Variants in SPINK2 observed in about 807,000 individuals in gnomAD.
SPINK2 encodes serine peptidase inhibitor Kazal type 2.
Under a neutral mutation model 13.5 loss-of-function variants are expected in SPINK2, and 8 were observed. That is an observed-to-expected ratio of 0.59 (90% confidence interval 0.35 to 1.07). The LOEUF (loss-of-function observed/expected upper bound fraction) is 1.07. Among genes scored for constraint, SPINK2 ranks in the 50% least tolerant of loss-of-function variants. The probability of loss-of-function intolerance (pLI) is 0.02; values close to 1 mark genes in which losing one functional copy is unlikely to be tolerated. For synonymous variants in SPINK2, 76 were observed against 74.7 expected, an observed-to-expected ratio of 1.02 and a Z score of -0.09; for missense variants, 148 against 180.3, an observed-to-expected ratio of 0.82 and a Z score of 1.03.
upstream of SPINK2, chr4:56,821,765 G>GGGGAGGGGCGGA (rs1553896007): frequency 8.2e-7 from 1 of 1,215,922 alleles, no homozygotes; most frequent in African/African-American, 1.8e-5. Context: ...GAAGGGGCGG[G>GGGGAGGGGCGGA]GCGAGAATGG....
chr4:56,814,355 T>A (rs575227008), intron 2 of SPINK2, among the ~76,000 whole-genome samples: 21 of 152,216 alleles, frequency 1.4e-4, no homozygotes, highest in African/African-American at 4.6e-4. Context: ...TGGGGACCGC[T>A]GCTCTAAAGC....
chr4:56,811,811 G>C lies in SPINK2; in HGVS notation c.250-17C>G, dbSNP rs756975804. On this transcript the variant is annotated splice_polypyrimidine_tract_variant and intron_variant, in intron 2 of 3. Transcript: ENST00000506738. ...GCAGTTTGGCTGGAAAAAAGAAAGA[G>C]AGAAATTCGAGAATGACTTGAGACA... 2.6e-6 allele frequency: 4 copies of C among 1,512,332 alleles called. No homozygotes were observed. The highest frequency in any genetic ancestry group is 2.3e-5 in the South Asian group (2 of 87,852). 93.7% of individuals were successfully genotyped at this position (1,512,332 alleles called of 1,614,324 possible).
chr4:56,817,466 T>C (rs1004294684), intron 2 of SPINK2, among the ~76,000 whole-genome samples: 4 of 152,046 alleles, frequency 2.6e-5, no homozygotes, highest in African/African-American at 9.7e-5. Context: ...CAGATGGAAA[T>C]ATAAGGGACT....
At chr4:56,819,971 T>A (rs1393113225) in intron 2 of SPINK2, among the ~76,000 whole-genome samples, 1 of 152,114 alleles carries the variant, frequency 6.6e-6, no homozygotes, top group East Asian at 1.9e-4. Flanking sequence ...CTGTCCTTGA[T>A]TCCAACTTAG....
Position 56,820,574 on chromosome 4 carries a change from G to C in SPINK2, c.211C>G (p.Leu71Val), listed in dbSNP as rs779909326. 1 of 1,609,312 alleles carries C rather than the reference G, an allele frequency of 6.2e-7. No homozygotes were observed. Among genetic ancestry groups the C allele is most frequent in the Non-Finnish European group, 8.5e-7 (1 of 1,176,462 alleles). Residue 71 changes from leucine (L) to valine (V), a missense_variant, in exon 2 of 4, where the codon CTG becomes GTG. Physicochemically the swap from Leu to Val is conservative, Grantham distance 32 (BLOSUM62 1). Transcript: ENST00000506738. ...GGSPEDLPAS[L>V]IPQFGLFSKY... ...GAAAACAGACCAAATTGAGGGATCA[G>C]AGAGGCTGTAAGAAGAAAGCATAGA...
At chr4:56,821,785 C>G (rs1256444346), upstream of SPINK2, 80 of 1,063,108 alleles carry the variant, frequency 7.5e-5, no homozygotes, top group Non-Finnish European at 9.5e-5. Flanking sequence ...GGAGGAAAAG[C>G]AGCGGTAGGT....
rs139039162 is a variant in SPINK2 at position 56,812,045 on chromosome 4, A to G, written c.250-251T>C. On this transcript the variant is annotated intron_variant, in intron 2 of 3. Coordinates refer to ENST00000506738, the MANE Select transcript of SPINK2 (RefSeq NM_001271718.2). ...CCCAAGTAGCTGGGATTACAGGCGC[A>G]CGCCTCCATGCCGCTAATTTTTGTA... is the stretch of plus-strand genomic sequence containing the variant. 6.7e-3 allele frequency among the ~76,000 whole-genome samples: 983 copies of G among 147,046 alleles called. 15 individuals carry two copies. The highest frequency in any genetic ancestry group is 0.023 in the African/African-American group (898 of 39,714).
At position 56,815,701 on chromosome 4, in the gene SPINK2, AAAAC is replaced by A. The variant is rs532186116; in HGVS notation, c.250-3911_250-3908del. Among the ~76,000 whole-genome samples the A allele has an allele frequency of 5.1e-4, 77 of 152,076 alleles. 1 individual carries two copies. In the South Asian group the frequency reaches 0.012, roughly 25 times the overall value. On this transcript the variant is annotated intron_variant, in intron 2 of 3. Transcript: ENST00000506738. ...GTGGAAGAGTAAGACCGTGTCTCAA[AAAAC>A]AAACAAACAAACAACAAAGATGACA...
chr4:56,810,054 A>C lies in SPINK2; in HGVS notation c.*85T>G, dbSNP rs765741672. 1.4e-5 allele frequency: 21 copies of C among 1,539,744 alleles called. No individual in the cohort carries two copies. The highest frequency in any genetic ancestry group is 1.8e-5 in the Non-Finnish European group (21 of 1,144,814). ...TAACAAATCTCATGTAAAGAAACAC[A>C]GGAAAAGAGAAAAAGGGGAAATGCA... On this transcript the variant is annotated 3_prime_UTR_variant, in exon 4 of 4. Coordinates refer to ENST00000506738, the MANE Select transcript of SPINK2 (RefSeq NM_001271718.2).
chr4:56,812,563 CAAAAAAAAA>C (rs57162077), intron 2 of SPINK2, among the ~76,000 whole-genome samples: 1 of 16,366 alleles, frequency 6.1e-5, no homozygotes, highest in African/African-American at 1.9e-4. Flanking sequence ...AACTCCATCT[CAAAAAAAAA>C]AAAAAAAAAA....
chr4:56,814,281 C>A (rs553117141), intron 2 of SPINK2, among the ~76,000 whole-genome samples: 2 of 152,110 alleles, frequency 1.3e-5, no homozygotes, highest in African/African-American at 4.8e-5. Context: ...CTGCCCACCC[C>A]ACCCCATTCC....
intron 2 of SPINK2, among the ~76,000 whole-genome samples, chr4:56,817,637 GGTC>G (rs61512094): frequency 0.72 from 109,334 of 151,704 alleles, 40,281 homozygotes; most frequent in East Asian, 0.97. Context: ...GATGACCTGA[GGTC>G]GTCAGGAGTT....
upstream of SPINK2, chr4:56,821,844 G>C: frequency 1.6e-6 from 1 of 620,626 alleles, no homozygotes; most frequent in South Asian, 2.2e-5. Flanking sequence ...AAGAGGAGCC[G>C]TGAAGGGTCG....
At chr4:56,814,879 T>C (rs1017811528) in intron 2 of SPINK2, among the ~76,000 whole-genome samples, 3 of 148,276 alleles carry the variant, frequency 2.0e-5, no homozygotes, top group Non-Finnish European at 4.4e-5. Context: ...GAGAATGGCG[T>C]GAACCCAGGA....
At chr4:56,821,336 A>G in intron 1 of SPINK2, 122 bp downstream of exon 1, 1 of 1,399,756 alleles carries the variant, frequency 7.1e-7, no homozygotes, top group Non-Finnish European at 9.2e-7. Context: ...ATCTACTTTA[A>G]CAGAGAAAGC....
intron 2 of SPINK2, 138 bp from the exon 3 acceptor site, chr4:56,811,932 TTTTTC>T: frequency 3.0e-6 from 1 of 329,192 alleles, no homozygotes; most frequent in Admixed American, 5.2e-5. Context: ...CCAGAAAAAT[TTTTTC>T]TTTTTTTTTT....
Position 56,819,894 on chromosome 4 carries a change from C to T in SPINK2, c.249+642G>A, listed in dbSNP as rs183313302. On this transcript the variant is annotated intron_variant, in intron 2 of 3. Transcript: ENST00000506738. Reference sequence around the variant, plus strand: ...CCTCCCAAAGCACTGGGATTACAGGCGTGAGTCACTGCGCCCAGCTGCAAA... The same window carrying T: ...CCTCCCAAAGCACTGGGATTACAGGTGTGAGTCACTGCGCCCAGCTGCAAA... 6.6e-5 allele frequency among the ~76,000 whole-genome samples: 10 copies of T among 152,286 alleles called. No individual in the cohort carries two copies. In the South Asian group the frequency reaches 1.0e-3, roughly 16 times the overall value.
At chr4:56,810,428 C>T (rs1716883331) in intron 3 of SPINK2, 1 of 459,306 alleles carries the variant, frequency 2.2e-6, no homozygotes, top group Non-Finnish European at 3.8e-6. Context: ...GAGAGCTGGG[C>T]ATGGTGGCTC....
chr4:56,810,639 G>C (rs139604791), intron 3 of SPINK2: 307 of 159,950 alleles, frequency 1.9e-3, no homozygotes, highest in African/African-American at 6.9e-3. Context: ...CTGAGGTCAG[G>C]GGTTTGAGAC....
Sources: allele counts gnomAD v4.1 joint callset (sites outside exome capture counted in the v4.1 genomes callset), GRCh38; gene constraint gnomAD v4.1.1; transcripts MANE v1.5; gene names NCBI Gene and HGNC (gene_info 2026-07-23, HGNC 2026-07-21).